SLC35F1: variants seen among roughly 807,000 people sequenced by gnomAD.
SLC35F1 encodes solute carrier family 35 member F1.
A neutral mutation model predicts 48.7 loss-of-function variants in SLC35F1; 14 were observed. The ratio of observed to expected loss-of-function variants is 0.29; its 90% CI spans 0.19 to 0.45. The LOEUF (loss-of-function observed/expected upper bound fraction) is 0.45, where lower values mean the gene tolerates loss of function less well. Ranked by LOEUF, SLC35F1 falls within the 20% of genes least tolerant of loss-of-function variation. The pLI is 1.00. For synonymous variants in SLC35F1, 190 were observed against 202.2 expected, an observed-to-expected ratio of 0.94 and a Z score of 0.51; for missense variants, 404 against 500.0, an observed-to-expected ratio of 0.81 and a Z score of 1.83.
chr6:117,981,036 G>A (rs1776769822), intron 1 of SLC35F1, among the ~76,000 whole-genome samples: 1 of 152,216 alleles, frequency 6.6e-6, no homozygotes, highest in Admixed American at 6.5e-5. Flanking sequence ...CAGAGGTGGG[G>A]AAAGGAGAGG....
intron 1 of SLC35F1, among the ~76,000 whole-genome samples, chr6:117,977,227 C>T (rs1167097209): frequency 1.4e-5 from 2 of 147,164 alleles, no homozygotes; most frequent in African/African-American, 5.0e-5. Context: ...GACGGAGTCT[C>T]TCTCCCTCAC....
chr6:118,007,031 T>G (rs1582615369), intron 1 of SLC35F1, among the ~76,000 whole-genome samples: 1 of 54,242 alleles, frequency 1.8e-5, no homozygotes, highest in Admixed American at 2.0e-4. Flanking sequence ...ACACATGTTG[T>G]TTTTTTTTTT....
At chr6:118,101,582 T>C (rs924695522) in intron 1 of SLC35F1, among the ~76,000 whole-genome samples, 1 of 151,978 alleles carries the variant, frequency 6.6e-6, no homozygotes, top group African/African-American at 2.4e-5. Flanking sequence ...ACTTCTAAAA[T>C]GAAAAATAAT....
rs57625995 is a variant in SLC35F1 at position 118,290,514 on chromosome 6, C to CA, written c.1002+5187dup. On this transcript the variant is annotated intron_variant, in intron 7 of 7. Coordinates refer to ENST00000360388, the MANE Select transcript of SLC35F1 (RefSeq NM_001029858.4). ...TATGAACAATCATATTTAGTATCTG[C>CA]AAAAAAAAAAAGCAAAATACTCAAT... 4.3e-3 allele frequency among the ~76,000 whole-genome samples: 522 copies of CA among 120,852 alleles called. 4 individuals are homozygous for CA. The highest frequency in any genetic ancestry group is 0.013 in the African/African-American group (428 of 32,768). The allele number at this position is 120,852 out of a possible 152,430, so 79.3% of individuals were successfully genotyped here. A position where few individuals can be genotyped will look rare whatever the true frequency, so the allele number is the denominator to read the frequency against.
At chr6:117,936,610 C>A (rs1776166022) in intron 1 of SLC35F1, among the ~76,000 whole-genome samples, 1 of 152,166 alleles carries the variant, frequency 6.6e-6, no homozygotes, top group Admixed American at 6.6e-5. Context: ...TTATCTAGCA[C>A]TGTTGTGAAT....
intron 1 of SLC35F1, among the ~76,000 whole-genome samples, chr6:118,084,613 T>G (rs1772958391): frequency 6.6e-6 from 1 of 152,126 alleles, no homozygotes; most frequent in African/African-American, 2.4e-5. Context: ...TTCAAAGCAA[T>G]ACTAAAGTAC....
chr6:117,989,550 A>G (rs1776890904), intron 1 of SLC35F1, among the ~76,000 whole-genome samples: 1 of 152,200 alleles, frequency 6.6e-6, no homozygotes, highest in African/African-American at 2.4e-5. Flanking sequence ...TCTTTGGTTC[A>G]CCGAGGGAGT....
intron 1 of SLC35F1, among the ~76,000 whole-genome samples, chr6:118,053,590 A>T (rs1193654399): frequency 1.3e-5 from 2 of 152,174 alleles, no homozygotes; most frequent in African/African-American, 4.8e-5. Context: ...AATCATAGTG[A>T]ACATATAACT....
chr6:118,007,962 G>T (rs990055967), intron 1 of SLC35F1, among the ~76,000 whole-genome samples: 1 of 152,102 alleles, frequency 6.6e-6, no homozygotes, highest in Admixed American at 6.6e-5. Context: ...TTTCTTGCTA[G>T]CTGTTGGCGG....
intron 1 of SLC35F1, among the ~76,000 whole-genome samples, chr6:118,039,796 A>ATTTTT (rs1312799873): frequency 5.0e-4 from 28 of 55,790 alleles, no homozygotes; most frequent in Admixed American, 9.1e-4. Flanking sequence ...GCATCTCAGG[A>ATTTTT]TTGTTTTTTT....
intron 1 of SLC35F1, among the ~76,000 whole-genome samples, chr6:118,099,805 G>A (rs1190493519): frequency 6.6e-6 from 1 of 152,208 alleles, no homozygotes; most frequent in African/African-American, 2.4e-5. Context: ...GTAACACATG[G>A]GCAGATTGGA....
At chr6:117,997,778 T>G (rs1048799795) in intron 1 of SLC35F1, among the ~76,000 whole-genome samples, 2 of 152,142 alleles carry the variant, frequency 1.3e-5, no homozygotes, top group African/African-American at 4.8e-5. Flanking sequence ...AAGGAAGTAC[T>G]AAACATGGAA....
intron 1 of SLC35F1, among the ~76,000 whole-genome samples, chr6:118,061,568 A>G (rs1242191960): frequency 1.5e-5 from 2 of 131,488 alleles, no homozygotes; most frequent in Non-Finnish European, 3.3e-5. Context: ...ATATATATAT[A>G]CATTTGTGTG....
intron 1 of SLC35F1, among the ~76,000 whole-genome samples, chr6:118,149,917 T>C (rs76808217): frequency 6.6e-6 from 1 of 152,208 alleles, no homozygotes; most frequent in South Asian, 2.1e-4. Flanking sequence ...AGAGTATTTC[T>C]GGAAACCAAC....
At chr6:118,222,053 C>T (rs1562330070) in intron 2 of SLC35F1, among the ~76,000 whole-genome samples, 1 of 152,078 alleles carries the variant, frequency 6.6e-6, no homozygotes, top group Non-Finnish European at 1.5e-5. Context: ...TTAACCTATG[C>T]ATTTCTCTTA....
chr6:117,926,678 G>C (rs1038207896), intron 1 of SLC35F1, among the ~76,000 whole-genome samples: 4 of 152,132 alleles, frequency 2.6e-5, no homozygotes, highest in Non-Finnish European at 4.4e-5. Flanking sequence ...CCATATATGA[G>C]AGGAAGAGAT....
chr6:118,101,533 A>G (rs977251835), intron 1 of SLC35F1, among the ~76,000 whole-genome samples: 1 of 152,250 alleles, frequency 6.6e-6, no homozygotes. Flanking sequence ...GTACTTGCAA[A>G]TAATAGGGAT....
At chr6:118,220,472 G>A (rs919877580) in intron 2 of SLC35F1, among the ~76,000 whole-genome samples, 5 of 152,168 alleles carry the variant, frequency 3.3e-5, no homozygotes, top group African/African-American at 4.8e-5. Context: ...CACCAGCCAA[G>A]AAGGTAGCAA....
chr6:118,233,716 G>T (rs577685922), intron 2 of SLC35F1, among the ~76,000 whole-genome samples: 1 of 152,302 alleles, frequency 6.6e-6, no homozygotes, highest in East Asian at 1.9e-4. Context: ...GGATTAATCA[G>T]AGATGGATGT....
Sources: gnomAD v4.1 joint callset for allele counts (sites outside exome capture counted in the v4.1 genomes callset) on GRCh38, gnomAD v4.1.1 for gene constraint, MANE v1.5 for transcripts, NCBI Gene and HGNC (gene_info 2026-07-23, HGNC 2026-07-21) for gene names.